The following EEA1 variants were observed in gnomAD, a reference collection of about 807,000 sequenced individuals.
EEA1 encodes early endosome antigen 1, 162kD.
EEA1 carries 111 observed loss-of-function variants against 209.2 expected under a neutral mutation model. The observed-to-expected ratio is 0.53, with a 90% CI of 0.45 to 0.62. The LOEUF is 0.62. Among genes scored for constraint, EEA1 ranks in the 20% least tolerant of loss-of-function variants. The probability of loss-of-function intolerance (pLI) is 0.00; values close to 1 mark genes in which losing one functional copy is unlikely to be tolerated. For missense variants in EEA1, 1,343 were observed against 1,530.8 expected, an observed-to-expected ratio of 0.88 and a Z score of 2.05; for synonymous variants, 536 against 540.6, an observed-to-expected ratio of 0.99 and a Z score of 0.12.
chr12:92,842,926 A>G (rs1877231187), intron 9 of EEA1, among the ~76,000 whole-genome samples: 1 of 152,228 alleles, frequency 6.6e-6, no homozygotes, highest in African/African-American at 2.4e-5. Flanking sequence ...TGCCAGTTAT[A>G]TCTACATTTC....
At chr12:92,839,657 T>C (rs1877082117) in intron 10 of EEA1, among the ~76,000 whole-genome samples, 1 of 152,222 alleles carries the variant, frequency 6.6e-6, no homozygotes, top group African/African-American at 2.4e-5. Context: ...TAAGAAATGC[T>C]ATTTATGTTA....
intron 15 of EEA1, among the ~76,000 whole-genome samples, chr12:92,814,508 T>C: frequency 6.7e-6 from 1 of 148,782 alleles, no homozygotes; most frequent in Non-Finnish European, 1.5e-5. Flanking sequence ...GTAATATATG[T>C]ATATTCCAAA....
Position 92,827,990 on chromosome 12 carries a change from CTG to C in EEA1, c.1324_1325del (p.Gln442AlafsTer4), listed in dbSNP as rs749779664. ...TATCCATCAACTTTTCACTTGAAAG[CTG>C]TCTCTGTTCCTTCAGCCTACCATGA... ...EAHGRLKEQRQLSSEKLMDKE... is the reference protein window; with the variant it reads ...EAHGRLKEQRXLSSEKLMDKE... On this transcript the variant is annotated frameshift_variant, in exon 12 of 29. Coordinates refer to ENST00000322349, the MANE Select transcript of EEA1 (RefSeq NM_003566.4). LOFTEE classifies it high-confidence loss of function. The C allele has an allele frequency of 3.1e-6, 5 of 1,603,736 alleles. No individual in the cohort carries two copies. The highest frequency in any genetic ancestry group is 1.7e-5 in the Admixed American group (1 of 58,030).
rs765634456 is a variant in EEA1, at chr12:92,851,237, G to A, written c.672C>T (p.Ala224=). The A allele has an allele frequency of 3.1e-5, 50 of 1,613,054 alleles. No homozygotes were observed. Among genetic ancestry groups the A allele is most frequent in the African/African-American group, 5.3e-5 (4 of 74,846 alleles). Residue 224 remains alanine, a synonymous_variant, in exon 9 of 29, where the codon GCC becomes GCT. Transcript: ENST00000322349. ...LLQRPGIEDV[A]VLKKELVQVQ... ...CTTGGACCAGTTCTTTCTTTAGCAC[G>A]GCAACATCTTCTATACCAGGTCTCT...
chr12:92,895,751 A>T (rs910108694), intron 1 of EEA1, among the ~76,000 whole-genome samples: 2 of 152,158 alleles, frequency 1.3e-5, no homozygotes, highest in African/African-American at 4.8e-5. Context: ...ATCTGGGCAG[A>T]GTGTGTGGAA....
intron 8 of EEA1, among the ~76,000 whole-genome samples, chr12:92,851,633 G>A (rs1472502440): frequency 6.6e-6 from 1 of 152,166 alleles, no homozygotes; most frequent in Non-Finnish European, 1.5e-5. Flanking sequence ...GCAAATGAAA[G>A]CATAGAGTTT....
intron 26 of EEA1, 35 bp downstream of exon 26, chr12:92,777,906 A>G (rs752101155): frequency 1.3e-6 from 2 of 1,569,730 alleles, no homozygotes; most frequent in Non-Finnish European, 1.7e-6. Context: ...ATCACTTACA[A>G]TGGAAATAAA....
chr12:92,925,991 C>T (rs1881198109), intron 1 of EEA1, among the ~76,000 whole-genome samples: 1 of 151,318 alleles, frequency 6.6e-6, no homozygotes, highest in African/African-American at 2.4e-5. Flanking sequence ...AGGAATGCCA[C>T]ATAATTTTTT....
In EEA1 at chr12:92,774,058, A is replaced by AAG; in HGVS notation, c.*1952_*1953insCT. On this transcript the variant is annotated 3_prime_UTR_variant, in exon 29 of 29. Coordinates refer to ENST00000322349, the MANE Select transcript of EEA1 (RefSeq NM_003566.4). ...TCATGGAATTTATTATCTCAAAAAA[A>AAG]AAAAAAAAACAGTGGTGCTGTGAAT... The AAG allele has an allele frequency of 1.3e-5, 2 of 150,772 alleles. No individual in the cohort carries two copies. 9.3% of individuals were successfully genotyped at this position (150,772 alleles called of 1,614,324 possible). A position where few individuals can be genotyped will look rare whatever the true frequency, so the allele number is the denominator to read the frequency against.
At chr12:92,804,957 C>G (rs1400102917) in intron 18 of EEA1, among the ~76,000 whole-genome samples, 1 of 152,018 alleles carries the variant, frequency 6.6e-6, no homozygotes, top group Non-Finnish European at 1.5e-5. Flanking sequence ...AGTACATAGG[C>G]AAGAAAGATC....
intron 28 of EEA1, 80 bp from the exon 29 acceptor site, chr12:92,776,213 C>A: frequency 7.3e-7 from 1 of 1,361,814 alleles, no homozygotes; most frequent in Non-Finnish European, 9.9e-7. Context: ...ATACCACCAA[C>A]TACATTATGA....
chr12:92,925,856 T>C (rs889915640), intron 1 of EEA1, among the ~76,000 whole-genome samples: 3 of 152,206 alleles, frequency 2.0e-5, no homozygotes, highest in Non-Finnish European at 2.9e-5. Context: ...TCAAACACTT[T>C]GAGTTCTAAT....
At chr12:92,820,778 C>T (rs1022601786) in intron 13 of EEA1, among the ~76,000 whole-genome samples, 10 of 151,858 alleles carry the variant, frequency 6.6e-5, no homozygotes, top group Non-Finnish European at 1.0e-4. Flanking sequence ...TATATATACA[C>T]ACACACACAC....
intron 1 of EEA1, among the ~76,000 whole-genome samples, chr12:92,901,228 T>G (rs965220261): frequency 3.9e-5 from 6 of 152,166 alleles, no homozygotes; most frequent in African/African-American, 1.2e-4. Context: ...CTTTTTTTTA[T>G]TTTTGTAAAG....
At chr12:92,903,985 G>A (rs891658974) in intron 1 of EEA1, among the ~76,000 whole-genome samples, 4 of 150,096 alleles carry the variant, frequency 2.7e-5, no homozygotes, top group Admixed American at 1.3e-4. Flanking sequence ...TTTTTGAGAC[G>A]GAGTTTCTCT....
At chr12:92,822,089 T>A (rs1485398015) in intron 13 of EEA1, among the ~76,000 whole-genome samples, 1 of 151,710 alleles carries the variant, frequency 6.6e-6, no homozygotes, top group Non-Finnish European at 1.5e-5. Flanking sequence ...TTCCTCAAGC[T>A]TCAGTGGATG....
At position 92,772,301 on chromosome 12, in the gene EEA1, T is replaced by C. The variant is rs1041472750; in HGVS notation, c.*3710A>G. 2.0e-5 allele frequency: 3 copies of C among 151,968 alleles called. No individual in the cohort carries two copies. The highest frequency in any genetic ancestry group is 2.1e-4 in the South Asian group (1 of 4,822). The allele number at this position is 151,968 out of a possible 1,614,324, so 9.4% of individuals were successfully genotyped here. On this transcript the variant is annotated 3_prime_UTR_variant, in exon 29 of 29. Transcript: ENST00000322349. ...TTAGTTTTGTTAATTCTCTACAATA[T>C]TAAATGGAATGTCTAAGGCAAAATG...
intron 2 of EEA1, among the ~76,000 whole-genome samples, chr12:92,874,889 T>C (rs902676752): frequency 6.6e-6 from 1 of 152,190 alleles, no homozygotes. Flanking sequence ...ATGAATAAGG[T>C]GATGGATACA....
intron 2 of EEA1, among the ~76,000 whole-genome samples, chr12:92,871,389 A>G (rs1405911625): frequency 2.0e-5 from 3 of 152,176 alleles, no homozygotes; most frequent in Admixed American, 2.0e-4. Context: ...AGCTGCTAAA[A>G]CAAAATATAC....
Sources: gnomAD v4.1 joint callset for allele counts (sites outside exome capture counted in the v4.1 genomes callset) on GRCh38, gnomAD v4.1.1 for gene constraint, MANE v1.5 for transcripts, NCBI Gene and HGNC (gene_info 2026-07-23, HGNC 2026-07-21) for gene names.